Variants in RHOT1 observed in about 807,000 individuals in gnomAD.
RHOT1 encodes mitochondrial Rho GTPase 1.
In RHOT1, 27 loss-of-function variants were observed where a neutral mutation model predicts 95.3. The observed-to-expected ratio is 0.28, with a 90% CI of 0.21 to 0.39. RHOT1 has a LOEUF of 0.39. Ranked by LOEUF, RHOT1 falls within the 10% of genes least tolerant of loss-of-function variation. RHOT1 has a pLI of 1.00. For synonymous variants in RHOT1, 227 were observed against 263.5 expected (o/e 0.86, Z 1.34); for missense variants, 578 against 786.7 (o/e 0.73, Z 3.17).
Position 32,197,619 on chromosome 17 carries a change from G to A in RHOT1, c.870-1328G>A, listed in dbSNP as rs180917344. Among the ~76,000 whole-genome samples the A allele has an allele frequency of 2.2e-4, 34 of 152,094 alleles. No individual in the cohort carries two copies. In the East Asian group the frequency reaches 3.9e-3, roughly 17 times the overall value. The stretch of plus-strand genomic sequence containing the variant: ...TTTTTTTTGTATTTTTAGTAGAGAC[G>A]GGGTTTCACCGTGTTGTCCAGGATG... On this transcript the variant is annotated intron_variant, in intron 11 of 19. Coordinates refer to ENST00000545287, the MANE Select transcript of RHOT1 (RefSeq NM_001033566.3).
At chr17:32,146,676 T>G (rs2031389957) in intron 1 of RHOT1, among the ~76,000 whole-genome samples, 1 of 148,762 alleles carries the variant, frequency 6.7e-6, no homozygotes, top group Non-Finnish European at 1.5e-5. Flanking sequence ...GGCAGGATGG[T>G]CTCGATCTCC....
intron 1 of RHOT1, among the ~76,000 whole-genome samples, chr17:32,154,787 C>T (rs944368422): frequency 2.6e-5 from 4 of 151,180 alleles, no homozygotes; most frequent in Admixed American, 6.6e-5. Flanking sequence ...CCCAGCTACT[C>T]GGGAGGATGA....
At chr17:32,180,806 C>T (rs2035575899) in intron 6 of RHOT1, among the ~76,000 whole-genome samples, 1 of 151,954 alleles carries the variant, frequency 6.6e-6, no homozygotes, top group Admixed American at 6.6e-5. Flanking sequence ...TGACAGCTTC[C>T]CAAGTAGCTG....
At chr17:32,215,666 A>T (rs2038426597) in intron 19 of RHOT1, among the ~76,000 whole-genome samples, 1 of 152,210 alleles carries the variant, frequency 6.6e-6, no homozygotes, top group Non-Finnish European at 1.5e-5. Flanking sequence ...TCCTTTTATG[A>T]GAAAAAAATT....
At chr17:32,149,621 A>ATGTGTG (rs1469506893) in intron 1 of RHOT1, among the ~76,000 whole-genome samples, 12 of 84,390 alleles carry the variant, frequency 1.4e-4, no homozygotes, top group African/African-American at 4.8e-4. Context: ...ATATATATAT[A>ATGTGTG]TATATATATA....
Position 32,207,048 on chromosome 17 carries a change from C to T in RHOT1, c.1536+19C>T, listed in dbSNP as rs570046400. The T allele has an allele frequency of 1.1e-5, 17 of 1,589,988 alleles. No individual in the cohort carries two copies. The African/African-American group carries it at 2.2e-4, about 20-fold the overall frequency. On this transcript the variant is annotated intron_variant, in intron 17 of 19. Coordinates refer to ENST00000545287, the MANE Select transcript of RHOT1 (RefSeq NM_001033566.3). ...TTTTAAGGTTTGTTGCTCCTACAGA[C>T]TATGACTGAATGTAACTTCATATGG...
intron 6 of RHOT1, among the ~76,000 whole-genome samples, chr17:32,176,457 TATC>T (rs2035008495): frequency 6.6e-6 from 1 of 152,200 alleles, no homozygotes; most frequent in African/African-American, 2.4e-5. Flanking sequence ...AGAACTCTGA[TATC>T]ATGATTCACA....
At chr17:32,218,574 G>A (rs889808757) in intron 19 of RHOT1, among the ~76,000 whole-genome samples, 2 of 151,204 alleles carry the variant, frequency 1.3e-5, no homozygotes, top group Non-Finnish European at 2.9e-5. Flanking sequence ...TTTGGAGATC[G>A]AGACAGTAGG....
chr17:32,179,548 C>G (rs1413372601), intron 6 of RHOT1: 2 of 150,420 alleles, frequency 1.3e-5, no homozygotes, highest in Admixed American at 1.4e-4. Context: ...AGGAGCGCCT[C>G]TGCCCGGCCG....
chr17:32,222,995 G>C (rs1162922811), intron 19 of RHOT1: 3 of 490,306 alleles, frequency 6.1e-6, no homozygotes, highest in East Asian at 3.0e-4. Context: ...ATAAAATGCT[G>C]CCTGTTGGAA....
chr17:32,172,323 T>G lies in RHOT1; in HGVS notation c.96+1222T>G, dbSNP rs2034643435. On this transcript the variant is annotated intron_variant, in intron 2 of 19. Transcript: ENST00000545287. The stretch of plus-strand genomic sequence containing the variant: ...TGTATTATTTGTAGAATCAGTAACA[T>G]TAATTTATAATTACTCTGGGTATAA... Among the ~76,000 whole-genome samples the G allele has an allele frequency of 2.0e-5, 3 of 152,350 alleles. No individual in the cohort carries two copies. In the South Asian group the frequency reaches 6.2e-4, roughly 32 times the overall value.
At chr17:32,145,492 A>G (rs910761116) in intron 1 of RHOT1, among the ~76,000 whole-genome samples, 3 of 152,132 alleles carry the variant, frequency 2.0e-5, no homozygotes, top group East Asian at 1.9e-4. Flanking sequence ...TATCATGGCA[A>G]CCTCTGCCAA....
intron 3 of RHOT1, among the ~76,000 whole-genome samples, chr17:32,174,366 A>G (rs1388984646): frequency 6.6e-6 from 1 of 152,228 alleles, no homozygotes; most frequent in African/African-American, 2.4e-5. Flanking sequence ...GGTTGCTACT[A>G]AAAAATTGAA....
Position 32,182,784 on chromosome 17 carries a change from A to C in RHOT1, c.357A>C (p.Lys119Asn). ...SRLPLILVGN[K>N]SDLVEYSSME... is the part of the protein sequence containing the mutation. ...TGCCTTTAATATTGGTTGGGAACAAATCTGATCTGGTGGAATATAGTAGTA... is the reference window on the plus strand; with the variant it reads ...TGCCTTTAATATTGGTTGGGAACAACTCTGATCTGGTGGAATATAGTAGTA... The change falls in exon 7 of 20, where the codon AAA (lysine) becomes AAC (asparagine). Residue 119 changes from lysine (K) to asparagine (N), a missense_variant. Lys to Asn is a moderately conservative substitution (Grantham distance 94). Coordinates refer to ENST00000545287, the MANE Select transcript of RHOT1 (RefSeq NM_001033566.3). 6.2e-7 allele frequency: 1 copy of C among 1,605,644 alleles called. No homozygotes were observed. Among genetic ancestry groups the C allele is most frequent in the Non-Finnish European group, 8.5e-7 (1 of 1,175,108 alleles).
chr17:32,150,777 T>G (rs1479093444), intron 1 of RHOT1: 3 of 1,579,984 alleles, frequency 1.9e-6, no homozygotes, highest in Non-Finnish European at 2.6e-6. Context: ...GGAAGTCACT[T>G]GTGGGACTCT....
chr17:32,179,293 G>A, intron 6 of RHOT1: 1 of 147,674 alleles, frequency 6.8e-6, no homozygotes, highest in Non-Finnish European at 1.5e-5. Flanking sequence ...CTGCCCAGCT[G>A]CCACCCCGTC....
chr17:32,150,646 C>T (rs1220457512), intron 1 of RHOT1: 2 of 1,592,858 alleles, frequency 1.3e-6, no homozygotes, highest in African/African-American at 1.3e-5. Context: ...GAAAGAAGAG[C>T]TGGATATCTC....
chr17:32,214,523 A>G lies in RHOT1; in HGVS notation c.1862+3285A>G, dbSNP rs540057361. On this transcript the variant is annotated intron_variant, in intron 19 of 19. Coordinates refer to ENST00000545287, the MANE Select transcript of RHOT1 (RefSeq NM_001033566.3). ...GTCATGAAAATAGAGGCCAAGGAAA[A>G]GGACACATAGAATGAAAATGTCTCT... 7.2e-5 allele frequency among the ~76,000 whole-genome samples: 11 copies of G among 152,350 alleles called. No homozygotes were observed. The South Asian group carries it at 2.1e-3, about 29-fold the overall frequency.
chr17:32,146,192 C>A (rs943011074), intron 1 of RHOT1, among the ~76,000 whole-genome samples: 2 of 152,136 alleles, frequency 1.3e-5, no homozygotes, highest in African/African-American at 4.8e-5. Context: ...TCCCCATAAC[C>A]ATGTATATTT....
Sources: allele counts gnomAD v4.1 joint callset (sites outside exome capture counted in the v4.1 genomes callset), GRCh38; gene constraint gnomAD v4.1.1; transcripts MANE v1.5; gene names NCBI Gene and HGNC (gene_info 2026-07-23, HGNC 2026-07-21).